Variants in ARHGEF7 observed in about 807,000 individuals in gnomAD.
ARHGEF7 encodes Rho guanine nucleotide exchange factor 7.
Under a neutral mutation model 109.8 loss-of-function variants are expected in ARHGEF7, and 33 were observed. The observed-to-expected ratio is 0.30, with a 90% CI of 0.23 to 0.40. The LOEUF (loss-of-function observed/expected upper bound fraction) is 0.40. Ranked by LOEUF, ARHGEF7 falls within the 10% of genes least tolerant of loss-of-function variation. The pLI, the probability that ARHGEF7 is intolerant of heterozygous loss-of-function variation, is 1.00. For synonymous variants in ARHGEF7, 458 were observed against 424.6 expected (o/e 1.08, Z -0.97); for missense variants, 938 against 1,098.5 (o/e 0.85, Z 2.07).
Position 111,247,484 on chromosome 13 carries a change from T to C in ARHGEF7, c.950+3190T>C, listed in dbSNP as rs150290701. On this transcript the variant is annotated intron_variant, in intron 8 of 21. Transcript: ENST00000646102. ...CGGGGTTTCACCATGTTGGTCAGGC[T>C]GGTCATGAGCTCCTGACCTCAAATG... is the stretch of plus-strand genomic sequence containing the variant. Among the ~76,000 whole-genome samples, 96 of 152,294 alleles carry C rather than the reference T, an allele frequency of 6.3e-4. 2 individuals carry two copies. In the East Asian group the frequency reaches 0.015, roughly 24 times the overall value.
At position 111,301,409 on chromosome 13, in the gene ARHGEF7, G is replaced by C. The variant is rs190204849; in HGVS notation, c.2412-69G>C. On this transcript the variant is annotated intron_variant, in intron 20 of 21. Coordinates refer to ENST00000646102, the MANE Select transcript of ARHGEF7 (RefSeq NM_001354046.2). Reference sequence around the variant, plus strand: ...TCCTCTCAGCATCGTAGTGTCTCCTGGTAAGTTTTCGTGTGTCCTCTCCAT... The same window carrying C: ...TCCTCTCAGCATCGTAGTGTCTCCTCGTAAGTTTTCGTGTGTCCTCTCCAT... 3.0e-6 allele frequency: 4 copies of C among 1,333,010 alleles called. No individual in the cohort carries two copies. The East Asian group carries it at 6.9e-5, about 23-fold the overall frequency. The allele number at this position is 1,333,010 out of a possible 1,614,324, so 82.6% of individuals were successfully genotyped here. A position where few individuals can be genotyped will look rare whatever the true frequency, so the allele number is the denominator to read the frequency against.
chr13:111,254,610 GCT>G (rs2090220561), intron 8 of ARHGEF7, among the ~76,000 whole-genome samples: 1 of 148,376 alleles, frequency 6.7e-6, no homozygotes, highest in South Asian at 2.2e-4. Context: ...GGGCTAAGGC[GCT>G]GAGTCGCTAA....
At chr13:111,160,629 G>C (rs112150356) in intron 2 of ARHGEF7, among the ~76,000 whole-genome samples, 3 of 152,102 alleles carry the variant, frequency 2.0e-5, no homozygotes, top group Non-Finnish European at 4.4e-5. Flanking sequence ...CCTGGGCTAC[G>C]TGGCAAAACC....
chr13:111,205,847 T>C (rs1477579938), intron 3 of ARHGEF7, among the ~76,000 whole-genome samples: 2 of 151,970 alleles, frequency 1.3e-5, no homozygotes, highest in Non-Finnish European at 2.9e-5. Context: ...CCCAGGTACA[T>C]GGTGTGTGTG....
At chr13:111,286,947 G>A (rs574468834) in intron 17 of ARHGEF7, among the ~76,000 whole-genome samples, 1 of 152,284 alleles carries the variant, frequency 6.6e-6, no homozygotes, top group African/African-American at 2.4e-5. Context: ...ACAGGGCTCT[G>A]CCCTGCCCCG....
chr13:111,121,474 T>C (rs1002506030), intron 1 of ARHGEF7, among the ~76,000 whole-genome samples: 2 of 152,214 alleles, frequency 1.3e-5, no homozygotes, highest in African/African-American at 4.8e-5. Context: ...CACTGATCAC[T>C]CTAAAATGTA....
At chr13:111,270,299 G>A (rs912249937) in intron 9 of ARHGEF7, among the ~76,000 whole-genome samples, 21 of 152,164 alleles carry the variant, frequency 1.4e-4, no homozygotes, top group Non-Finnish European at 2.5e-4. Context: ...GCACTGTGTC[G>A]GTAAGGACTG....
intron 8 of ARHGEF7, among the ~76,000 whole-genome samples, chr13:111,252,887 ATTCATAG>A (rs1399906500): frequency 6.6e-6 from 1 of 152,216 alleles, no homozygotes; most frequent in Non-Finnish European, 1.5e-5. Flanking sequence ...AGAGTCCCTG[ATTCATAG>A]TTCCACCTCT....
intron 19 of ARHGEF7, chr13:111,292,887 C>T: frequency 1.0e-6 from 1 of 988,024 alleles, no homozygotes; most frequent in Non-Finnish European, 1.2e-6. Flanking sequence ...GGCTCTGGGC[C>T]TTGGCAGGTG....
chr13:111,232,385 G>A (rs55721098), intron 5 of ARHGEF7, among the ~76,000 whole-genome samples: 3,612 of 152,144 alleles, frequency 0.024, 74 homozygotes, highest in Middle Eastern at 0.11. Context: ...CACAGCCAGC[G>A]ATGGACACAC....
intron 2 of ARHGEF7, among the ~76,000 whole-genome samples, chr13:111,186,226 G>A (rs114894038): frequency 7.2e-4 from 109 of 152,198 alleles, no homozygotes; most frequent in African/African-American, 2.4e-3. Flanking sequence ...CCGTTGCTGT[G>A]CTCCTGCCTC....
At chr13:111,288,520 T>C in intron 18 of ARHGEF7, 77 bp downstream of exon 18, 2 of 1,198,090 alleles carry the variant, frequency 1.7e-6, no homozygotes, top group Non-Finnish European at 2.4e-6. Flanking sequence ...AAGGAACCTG[T>C]TGTGGTAGGC....
Position 111,275,125 on chromosome 13 carries a change from A to T in ARHGEF7, c.1272+335A>T, listed in dbSNP as rs2092403808. Among the ~76,000 whole-genome samples, 4 of 152,314 alleles carry T rather than the reference A, an allele frequency of 2.6e-5. No individual in the cohort carries two copies. The South Asian group carries it at 8.3e-4, about 32-fold the overall frequency. On this transcript the variant is annotated intron_variant, in intron 11 of 21. Coordinates refer to ENST00000646102, the MANE Select transcript of ARHGEF7 (RefSeq NM_001354046.2). ...TCTCTGCTGTTGTGTTGTCTTACCA[A>T]CTGCGTTTTGGAAATATATGGCCTT...
intron 3 of ARHGEF7, among the ~76,000 whole-genome samples, chr13:111,205,683 A>G (rs1014494059): frequency 6.6e-6 from 1 of 152,106 alleles, no homozygotes; most frequent in African/African-American, 2.4e-5. Flanking sequence ...TTGGAGCTAG[A>G]AGCACCTTTC....
intron 2 of ARHGEF7, chr13:111,186,850 T>C (rs1026560218): frequency 1.0e-6 from 1 of 985,274 alleles, no homozygotes; most frequent in African/African-American, 1.7e-5. Flanking sequence ...TCCGTCAGTA[T>C]TGAGATGGTG....
rs566310929 is a variant in ARHGEF7 at position 111,115,464 on chromosome 13, G to A, written c.-63G>A. The A allele has an allele frequency of 1.6e-3, 1,606 of 1,010,464 alleles. 22 individuals carry two copies. In the African/African-American group the frequency reaches 0.026, roughly 16 times the overall value. 62.6% of individuals were successfully genotyped at this position (1,010,464 alleles called of 1,614,324 possible). On this transcript the variant is annotated 5_prime_UTR_variant, in exon 1 of 22. Transcript: ENST00000646102. ...GCGGCGGCGGCGGCGGGGGCCGCGGGCCGGGCCGCCGCTCCGAGGTGAAGG... is the reference window on the plus strand; with the variant it reads ...GCGGCGGCGGCGGCGGGGGCCGCGGACCGGGCCGCCGCTCCGAGGTGAAGG...
In ARHGEF7 at chr13:111,241,177, C is replaced by G. The variant is rs983263623; in HGVS notation, c.760-2695C>G. 66 of 1,535,732 alleles carry G rather than the reference C, an allele frequency of 4.3e-5. 1 individual carries two copies. The South Asian group carries it at 4.8e-4, about 11-fold the overall frequency. On this transcript the variant is annotated intron_variant, in intron 6 of 21. Transcript: ENST00000646102. ...GAGCTCAGCTCTGTGGGCCTTTCTT[C>G]AGCACTGTGGGTCGTAAAAGCTGCC...
chr13:111,295,611 C>T lies in ARHGEF7; in HGVS notation c.2311+3317C>T, dbSNP rs189867080. On this transcript the variant is annotated intron_variant, in intron 19 of 21. Transcript: ENST00000646102. Reference sequence around the variant, plus strand: ...TGAAGCAAAATAAAGGGAAAGGAAACGAAGTACCTGGTGGCAGGTATAGTG... The same window carrying T: ...TGAAGCAAAATAAAGGGAAAGGAAATGAAGTACCTGGTGGCAGGTATAGTG... Among the ~76,000 whole-genome samples, 7 of 152,162 alleles carry T rather than the reference C, an allele frequency of 4.6e-5. No homozygotes were observed. In the East Asian group the frequency reaches 5.8e-4, roughly 13 times the overall value.
chr13:111,240,800 A>G (rs1381634980), intron 6 of ARHGEF7, among the ~76,000 whole-genome samples: 4 of 152,318 alleles, frequency 2.6e-5, no homozygotes, highest in Middle Eastern at 3.4e-3. Context: ...GGGATATGGA[A>G]ATACAGTTGT....
Sources: allele counts gnomAD v4.1 joint callset (sites outside exome capture counted in the v4.1 genomes callset), GRCh38; gene constraint gnomAD v4.1.1; transcripts MANE v1.5; gene names NCBI Gene and HGNC (gene_info 2026-07-23, HGNC 2026-07-21).